FOXJ3: variants seen among roughly 807,000 people sequenced by gnomAD.
FOXJ3 encodes the protein forkhead box protein J3.
FOXJ3 carries 22 observed loss-of-function variants against 76.1 expected under a neutral mutation model. That is an observed-to-expected ratio of 0.29 (90% CI 0.21 to 0.41). The LOEUF (loss-of-function observed/expected upper bound fraction) is 0.41, where lower values mean the gene tolerates loss of function less well. FOXJ3 is among the 10% of genes least tolerant of loss of function. The pLI is 1.00. For missense variants in FOXJ3, 613 were observed against 762.1 expected, an observed-to-expected ratio of 0.80 and a Z score of 2.30; for synonymous variants, 269 against 261.2, an observed-to-expected ratio of 1.03 and a Z score of -0.29.
At chr1:42,235,957 G>C (rs1181504549) in intron 4 of FOXJ3, among the ~76,000 whole-genome samples, 1 of 152,106 alleles carries the variant, frequency 6.6e-6, no homozygotes, top group African/African-American at 2.4e-5. Context: ...CCAAAATGCT[G>C]GGGTTACAGG....
At chr1:42,230,023 C>A (rs1172520274) in intron 4 of FOXJ3, among the ~76,000 whole-genome samples, 2 of 152,128 alleles carry the variant, frequency 1.3e-5, no homozygotes, top group African/African-American at 4.8e-5. Flanking sequence ...AAATAGATAA[C>A]TCTTCTTCCA....
At chr1:42,223,890 G>A (rs1375639523) in intron 5 of FOXJ3, among the ~76,000 whole-genome samples, 1 of 152,190 alleles carries the variant, frequency 6.6e-6, no homozygotes, top group East Asian at 1.9e-4. Context: ...AAACTGTGAA[G>A]GCAAGACTAT....
At chr1:42,237,135 G>A (rs562494133) in intron 4 of FOXJ3, among the ~76,000 whole-genome samples, 15 of 152,038 alleles carry the variant, frequency 9.9e-5, no homozygotes, top group South Asian at 6.3e-4. Flanking sequence ...CAGCACTCTC[G>A]GAGGCCGAGG....
intron 1 of FOXJ3, among the ~76,000 whole-genome samples, chr1:42,312,816 AG>A (rs1234042582): frequency 2.0e-5 from 3 of 152,250 alleles, no homozygotes; most frequent in Non-Finnish European, 4.4e-5. Context: ...GAGAACTGCC[AG>A]GAAAACTGCT....
At chr1:42,263,837 T>C (rs1252497506) in intron 4 of FOXJ3, among the ~76,000 whole-genome samples, 3 of 149,670 alleles carry the variant, frequency 2.0e-5, no homozygotes, top group Non-Finnish European at 3.0e-5. Flanking sequence ...GTGAACAAGA[T>C]ACACATGAAC....
In FOXJ3 at chr1:42,199,184, C is replaced by T. The variant is rs1646710995; in HGVS notation, c.677G>A (p.Ser226Asn). Reference sequence around the variant, plus strand: ...GTCTGAGAGACTGTTGTTAAGGCTACTGCGTGGGCTATCACTACCATCCTG... The same window carrying T: ...GTCTGAGAGACTGTTGTTAAGGCTATTGCGTGGGCTATCACTACCATCCTG... ...TDQDGSDSPRSSLNNSLSDQS... is the reference protein window; with the variant it reads ...TDQDGSDSPRNSLNNSLSDQS... Residue 226 changes from serine (S) to asparagine (N), a missense_variant, in exon 7 of 13, where the codon AGT (serine) becomes AAT (asparagine). Transcript: ENST00000361346. The T allele has an allele frequency of 6.2e-7, 1 of 1,612,708 alleles. No homozygotes were observed. Among genetic ancestry groups the T allele is most frequent in the Non-Finnish European group, 8.5e-7 (1 of 1,178,750 alleles).
At chr1:42,270,522 A>T (rs1313780348) in intron 3 of FOXJ3, among the ~76,000 whole-genome samples, 1 of 152,226 alleles carries the variant, frequency 6.6e-6, no homozygotes, top group Non-Finnish European at 1.5e-5. Context: ...GTACATACAC[A>T]TAAAACCCAC....
intron 1 of FOXJ3, among the ~76,000 whole-genome samples, chr1:42,332,761 A>G (rs1323609924): frequency 2.6e-5 from 4 of 152,184 alleles, no homozygotes; most frequent in African/African-American, 9.7e-5. Flanking sequence ...AAGCTCCTTG[A>G]TATCATTTGT....
intron 5 of FOXJ3, among the ~76,000 whole-genome samples, chr1:42,222,245 C>T (rs915529307): frequency 2.6e-5 from 4 of 151,768 alleles, no homozygotes; most frequent in African/African-American, 9.7e-5. Flanking sequence ...ACTAATCTGC[C>T]CTATTTCAGT....
rs76729278 is a variant in FOXJ3, at chr1:42,206,707, T to C, written c.529-844A>G. Among the ~76,000 whole-genome samples the C allele has an allele frequency of 7.2e-3, 1,092 of 152,362 alleles. 22 individuals are homozygous for C. The highest frequency in any genetic ancestry group is 0.025 in the African/African-American group (1,054 of 41,582). On this transcript the variant is annotated intron_variant, in intron 5 of 12. Coordinates refer to ENST00000361346, the MANE Select transcript of FOXJ3 (RefSeq NM_014947.5). ...AAAAATGAGATATCCTCAAATTTTA[T>C]CTTTTGTTTATACTAGGAATATTCA... is the stretch of plus-strand genomic sequence containing the variant.
chr1:42,211,954 T>TAAATC (rs939996876), intron 5 of FOXJ3, among the ~76,000 whole-genome samples: 1 of 152,022 alleles, frequency 6.6e-6, no homozygotes, highest in African/African-American at 2.4e-5. Flanking sequence ...AAAAATAAAT[T>TAAATC]AAAAAACAAT....
At chr1:42,231,587 T>C (rs1648120582) in intron 4 of FOXJ3, among the ~76,000 whole-genome samples, 2 of 152,230 alleles carry the variant, frequency 1.3e-5, no homozygotes, top group African/African-American at 4.8e-5. Context: ...ATGAACTTAA[T>C]ATTACTGAAC....
At chr1:42,187,967 T>A (rs1331106713) in intron 11 of FOXJ3, among the ~76,000 whole-genome samples, 1 of 152,234 alleles carries the variant, frequency 6.6e-6, no homozygotes, top group African/African-American at 2.4e-5. Flanking sequence ...ACTGATAAGC[T>A]TGACTTGAAT....
At chr1:42,238,524 G>A (rs1234187671) in intron 4 of FOXJ3, among the ~76,000 whole-genome samples, 1 of 152,034 alleles carries the variant, frequency 6.6e-6, no homozygotes, top group Admixed American at 6.6e-5. Flanking sequence ...TAAATAAGAG[G>A]ACCAGCACGC....
At chr1:42,323,859 T>A (rs1034961934) in intron 1 of FOXJ3, 1 of 186,562 alleles carries the variant, frequency 5.4e-6, no homozygotes, top group Non-Finnish European at 1.0e-5. Context: ...AGATGCATAT[T>A]TTGCCTCAAT....
intron 2 of FOXJ3, among the ~76,000 whole-genome samples, chr1:42,283,770 T>G (rs1353525767): frequency 6.6e-6 from 1 of 152,160 alleles, no homozygotes; most frequent in Non-Finnish European, 1.5e-5. Flanking sequence ...GTGCTACCAC[T>G]CCTATTACAG....
intron 4 of FOXJ3, among the ~76,000 whole-genome samples, chr1:42,243,262 C>T (rs925073719): frequency 3.3e-5 from 5 of 151,806 alleles, no homozygotes; most frequent in South Asian, 2.1e-4. Flanking sequence ...ACTGGTAGAA[C>T]GAACATACAA....
At chr1:42,196,414 G>A (rs1390038457) in intron 7 of FOXJ3, among the ~76,000 whole-genome samples, 1 of 152,164 alleles carries the variant, frequency 6.6e-6, no homozygotes, top group Non-Finnish European at 1.5e-5. Context: ...TAGCAGGGCC[G>A]GGTGCAGTGG....
intron 1 of FOXJ3, among the ~76,000 whole-genome samples, chr1:42,328,674 CTA>C (rs1455870680): frequency 3.6e-5 from 5 of 137,226 alleles, no homozygotes; most frequent in South Asian, 2.4e-4. Flanking sequence ...CATACTTATC[CTA>C]TTTTTTTTTT....
Sources: gnomAD v4.1 joint callset for allele counts (sites outside exome capture counted in the v4.1 genomes callset) on GRCh38, gnomAD v4.1.1 for gene constraint, MANE v1.5 for transcripts, NCBI Gene and HGNC (gene_info 2026-07-23, HGNC 2026-07-21) for gene names.